The following POTEF variants were observed in gnomAD, a reference collection of about 807,000 sequenced individuals.
POTEF encodes the protein ANKRD26-like family C member 1B.
POTEF carries 20 observed loss-of-function variants against 83.2 expected under a neutral mutation model. That is an observed-to-expected ratio of 0.24 (90% confidence interval 0.17 to 0.35). The LOEUF (loss-of-function observed/expected upper bound fraction) is 0.35, where lower values mean the gene tolerates loss of function less well. Ranked by LOEUF, POTEF falls within the 10% of genes least tolerant of loss-of-function variation. POTEF has a pLI of 1.00. For synonymous variants in POTEF, 196 were observed against 446.4 expected, an observed-to-expected ratio of 0.44 and a Z score of 7.07; for missense variants, 550 against 1,203.2, an observed-to-expected ratio of 0.46 and a Z score of 8.03.
intron 2 of POTEF, among the ~76,000 whole-genome samples, 184 bp downstream of exon 2, chr2:130,127,525 A>C (rs867264153): frequency 6.6e-6 from 1 of 150,730 alleles, no homozygotes; most frequent in Non-Finnish European, 1.5e-5. Flanking sequence ...GTACAGCACC[A>C]GCAGGTTCGT....
At position 130,110,462 on chromosome 2, in the gene POTEF, A is replaced by G. The variant is rs538965827; in HGVS notation, c.1055+81T>C. The G allele has an allele frequency of 4.2e-5, 65 of 1,542,772 alleles. No homozygotes were observed. In the South Asian group the frequency reaches 7.6e-4, roughly 18 times the overall value. Reference sequence around the variant, plus strand: ...TACCTGAACCAAACTATGACATCTCACCTGATATGTGAGATGCAACTGTTA... The same window carrying G: ...TACCTGAACCAAACTATGACATCTCGCCTGATATGTGAGATGCAACTGTTA... On this transcript the variant is annotated intron_variant, in intron 7 of 16. Transcript: ENST00000409914.
chr2:130,075,074 C>T lies in POTEF; in HGVS notation c.2398G>A (p.Glu800Lys), dbSNP rs1683746309. Residue 800 changes from glutamate to lysine, a missense_variant, in exon 17 of 17, where the codon GAG becomes AAG. Physicochemically the swap from Glu to Lys is moderately conservative, Grantham distance 56. Transcript: ENST00000409914. ...FYNELRVAPEEHPVLLTEATL... is the reference protein window; with the variant it reads ...FYNELRVAPEKHPVLLTEATL... ...GCCTCGGTCAGCAGGACGGGGTGCT[C>T]CTCGGGAGCCACACGCAGCTCGTTG... The T allele has an allele frequency of 6.2e-7, 1 of 1,613,766 alleles. No individual in the cohort carries two copies. Among genetic ancestry groups the T allele is most frequent in the Non-Finnish European group, 8.5e-7 (1 of 1,179,954 alleles).
chr2:130,121,620 C>T (rs1421341190), intron 2 of POTEF, among the ~76,000 whole-genome samples: 23 of 62,364 alleles, frequency 3.7e-4, no homozygotes, highest in East Asian at 2.2e-3. Context: ...GCTCCTGCCC[C>T]GGTGCAGTGT....
chr2:130,075,065 C>T lies in POTEF; in HGVS notation c.2407G>A (p.Val803Ile), dbSNP rs4608469. The T allele has an allele frequency of 4.0e-3, 6,527 of 1,613,610 alleles. 61 individuals are homozygous for T. The highest frequency in any genetic ancestry group is 4.9e-3 in the Non-Finnish European group (5,796 of 1,179,838). Residue 803 changes from valine (V) to isoleucine (I), a missense_variant, in exon 17 of 17, where the codon GTC becomes ATC. Transcript: ENST00000409914. ...TTCAGGGTGGCCTCGGTCAGCAGGACGGGGTGCTCCTCGGGAGCCACACGC... is the reference window on the plus strand; with the variant it reads ...TTCAGGGTGGCCTCGGTCAGCAGGATGGGGTGCTCCTCGGGAGCCACACGC... ...ELRVAPEEHP[V>I]LLTEATLNPK...
intron 2 of POTEF, among the ~76,000 whole-genome samples, chr2:130,126,707 A>G (rs530830826): frequency 3.3e-4 from 50 of 152,138 alleles, no homozygotes; most frequent in African/African-American, 1.1e-3. Context: ...TAATTATACA[A>G]CTGATTTTTT....
At chr2:130,109,442 T>C (rs1171573076) in intron 7 of POTEF, 1 of 145,748 alleles carries the variant, frequency 6.9e-6, no homozygotes, top group Non-Finnish European at 1.5e-5. Flanking sequence ...TGAAAATATC[T>C]TAAAATCTTG....
chr2:130,101,480 TAGGCAGCTGTG>T (rs1282413003), intron 9 of POTEF, among the ~76,000 whole-genome samples: 1 of 148,704 alleles, frequency 6.7e-6, no homozygotes, highest in Non-Finnish European at 1.5e-5. Flanking sequence ...ATTCTTGTAA[TAGGCAGCTGTG>T]TTGCTTTTAT....
intron 8 of POTEF, among the ~76,000 whole-genome samples, chr2:130,104,807 T>C (rs1215692979): frequency 1.3e-5 from 2 of 151,374 alleles, no homozygotes; most frequent in Non-Finnish European, 2.9e-5. Context: ...TTGATGGTGA[T>C]ACACATGGAC....
At chr2:130,103,329 G>C (rs550400464) in intron 8 of POTEF, among the ~76,000 whole-genome samples, 1 of 150,494 alleles carries the variant, frequency 6.6e-6, no homozygotes, top group South Asian at 2.1e-4. Flanking sequence ...CTGATCTTTT[G>C]ACCTTGTGAT....
chr2:130,121,319 C>T (rs1684999184), intron 2 of POTEF, among the ~76,000 whole-genome samples: 1 of 149,960 alleles, frequency 6.7e-6, no homozygotes, highest in Non-Finnish European at 1.5e-5. Context: ...AAAAAAAAAG[C>T]CTCTTAAAGG....
chr2:130,109,526 T>C (rs1014341315), intron 7 of POTEF: 5 of 150,742 alleles, frequency 3.3e-5, no homozygotes, highest in Non-Finnish European at 7.4e-5. Flanking sequence ...CAACCACAGC[T>C]GGGAGCCACT....
chr2:130,128,012 G>A (rs1685141069), intron 1 of POTEF, 148 bp from the exon 2 acceptor site: 1 of 131,706 alleles, frequency 7.6e-6, no homozygotes, highest in South Asian at 2.5e-4. Context: ...CAGGAACTGG[G>A]GCGGGTGTGA....
chr2:130,120,819 A>G (rs1221689419), intron 2 of POTEF: 1 of 511,254 alleles, frequency 2.0e-6, no homozygotes, highest in African/African-American at 2.0e-5. Context: ...CCAGCAGAGA[A>G]AAGGTCAAGC....
In POTEF at chr2:130,116,452, GTGT is replaced by G. The variant is rs1430061352; in HGVS notation, c.522-1127_522-1125del. ...TTGTACAGATTATTTCATTACTCAG[GTGT>G]TAAGCCCAGTACCCATTCATTCTAT... On this transcript the variant is annotated intron_variant, in intron 3 of 16. Transcript: ENST00000409914. Among the ~76,000 whole-genome samples, 3 of 148,512 alleles carry G rather than the reference GTGT, an allele frequency of 2.0e-5. No individual in the cohort carries two copies. The East Asian group carries it at 6.0e-4, about 30-fold the overall frequency.
chr2:130,106,983 T>C (rs901556751), intron 8 of POTEF, among the ~76,000 whole-genome samples: 2 of 150,058 alleles, frequency 1.3e-5, no homozygotes, highest in Non-Finnish European at 2.9e-5. Context: ...CATCTTTGTC[T>C]CCTGCAACTT....
chr2:130,106,403 CAA>C (rs1684531149), intron 8 of POTEF: 1 of 125,930 alleles, frequency 7.9e-6, no homozygotes, highest in Non-Finnish European at 1.6e-5. Context: ...TTGGTACTAG[CAA>C]AAGTGAACTG....
At chr2:130,076,671 T>C (rs1219183969) in intron 16 of POTEF, among the ~76,000 whole-genome samples, 19 of 145,906 alleles carry the variant, frequency 1.3e-4, no homozygotes, top group Admixed American at 3.4e-4. Context: ...GTATCCACAA[T>C]GTGGCCTCTG....
chr2:130,109,296 C>T (rs1350243806), intron 7 of POTEF: 5 of 142,760 alleles, frequency 3.5e-5, no homozygotes, highest in Non-Finnish European at 6.0e-5. Flanking sequence ...GGATATGTGC[C>T]GCCGAAGCAA....
In POTEF at chr2:130,117,284, G is replaced by A. The variant is rs181797849; in HGVS notation, c.522-1956C>T. Among the ~76,000 whole-genome samples the A allele has an allele frequency of 7.9e-4, 120 of 151,986 alleles. 3 individuals carry two copies. The highest frequency in any genetic ancestry group is 2.9e-3 in the African/African-American group (120 of 41,322). On this transcript the variant is annotated intron_variant, in intron 3 of 16. Coordinates refer to ENST00000409914, the MANE Select transcript of POTEF (RefSeq NM_001099771.2). The stretch of plus-strand genomic sequence containing the variant: ...AACACAATCCCTCTACTTCTGAAGA[G>A]GGTAAAAGTTCACGGAAGATAGCCA...
Sources: allele counts gnomAD v4.1 joint callset (sites outside exome capture counted in the v4.1 genomes callset), GRCh38; gene constraint gnomAD v4.1.1; transcripts MANE v1.5; gene names NCBI Gene and HGNC (gene_info 2026-07-23, HGNC 2026-07-21).